The following CPED1 variants were observed in gnomAD, a reference collection of about 807,000 sequenced individuals.
The protein encoded by CPED1 is cadherin like and PC-esterase domain containing 1.
Under a neutral mutation model 128.2 loss-of-function variants are expected in CPED1, and 114 were observed. The ratio of observed to expected loss-of-function variants is 0.89; its 90% CI spans 0.76 to 1.04. The LOEUF is 1.04. Among genes scored for constraint, CPED1 ranks in the 50% least tolerant of loss-of-function variants. The pLI is 0.00. For missense variants in CPED1, 1,211 were observed against 1,207.1 expected (o/e 1.00, Z -0.05); for synonymous variants, 462 against 426.7 (o/e 1.08, Z -1.02).
chr7:121,189,114 G>T (rs182875761), intron 16 of CPED1, among the ~76,000 whole-genome samples: 4 of 152,126 alleles, frequency 2.6e-5, no homozygotes, highest in African/African-American at 9.7e-5. Flanking sequence ...ACATAATGGT[G>T]TTCCATTCTA....
chr7:121,171,690 A>G (rs1326507761), intron 16 of CPED1, among the ~76,000 whole-genome samples: 2 of 152,140 alleles, frequency 1.3e-5, no homozygotes, highest in African/African-American at 2.4e-5. Context: ...AAAAACCCTG[A>G]ATATTTTCTT....
At chr7:121,247,902 C>A (rs148527406) in intron 18 of CPED1, among the ~76,000 whole-genome samples, 1 of 152,338 alleles carries the variant, frequency 6.6e-6, no homozygotes, top group African/African-American at 2.4e-5. Context: ...AACTTCCCCA[C>A]AGGACTGGGG....
chr7:121,103,348 A>G (rs921159644), intron 7 of CPED1, among the ~76,000 whole-genome samples: 3 of 152,182 alleles, frequency 2.0e-5, no homozygotes, highest in African/African-American at 7.2e-5. Flanking sequence ...TCCTGGGTCA[A>G]TGTGGAGAAA....
intron 18 of CPED1, among the ~76,000 whole-genome samples, chr7:121,245,769 C>T (rs1481416382): frequency 6.6e-6 from 1 of 150,550 alleles, no homozygotes; most frequent in African/African-American, 2.5e-5. Flanking sequence ...CAGCTCAATG[C>T]AACCTCCACC....
At chr7:121,135,427 G>GA (rs1358664134) in intron 13 of CPED1, among the ~76,000 whole-genome samples, 1 of 152,024 alleles carries the variant, frequency 6.6e-6, no homozygotes, top group Non-Finnish European at 1.5e-5. Context: ...AATCTCTGGT[G>GA]ATGAGACCCA....
chr7:121,047,825 C>T (rs562455862), intron 4 of CPED1, among the ~76,000 whole-genome samples: 1 of 151,664 alleles, frequency 6.6e-6, no homozygotes, highest in Admixed American at 6.6e-5. Context: ...ATTCTCCTGC[C>T]TCAGCCTCCG....
At chr7:121,267,358 C>A in intron 21 of CPED1, 56 bp downstream of exon 21, 3 of 1,011,372 alleles carry the variant, frequency 3.0e-6, no homozygotes, top group South Asian at 1.5e-5. Context: ...AGGATCCCTG[C>A]TGGAAAAAGA....
intron 3 of CPED1, among the ~76,000 whole-genome samples, chr7:121,023,621 G>T (rs1398993753): frequency 1.3e-5 from 2 of 152,078 alleles, no homozygotes; most frequent in African/African-American, 2.4e-5. Flanking sequence ...GGTGTTGCAC[G>T]GGCAGAAGAG....
chr7:121,074,414 C>G (rs1444400673), intron 5 of CPED1, among the ~76,000 whole-genome samples: 5 of 151,768 alleles, frequency 3.3e-5, no homozygotes. Flanking sequence ...ATCCTAAACC[C>G]AACTGCGCTT....
intron 2 of CPED1, among the ~76,000 whole-genome samples, chr7:120,994,371 G>A (rs1796358166): frequency 6.6e-6 from 1 of 151,758 alleles, no homozygotes; most frequent in Non-Finnish European, 1.5e-5. Context: ...AATATTTATT[G>A]GACAATTTGT....
chr7:121,021,673 C>A (rs1313411970), intron 3 of CPED1, among the ~76,000 whole-genome samples: 1 of 151,802 alleles, frequency 6.6e-6, no homozygotes, highest in Non-Finnish European at 1.5e-5. Context: ...TTAGTGTTAC[C>A]TTTTAATGGT....
chr7:121,192,488 C>CA (rs1445994913), intron 16 of CPED1, among the ~76,000 whole-genome samples: 3 of 152,090 alleles, frequency 2.0e-5, no homozygotes, highest in Non-Finnish European at 4.4e-5. Flanking sequence ...CATGAGTGTA[C>CA]ATGCTGCTTT....
intron 5 of CPED1, among the ~76,000 whole-genome samples, chr7:121,092,225 A>G (rs1302404715): frequency 2.0e-5 from 3 of 152,194 alleles, no homozygotes; most frequent in Non-Finnish European, 4.4e-5. Context: ...CCAATCTAAC[A>G]CTACATTGTG....
At chr7:121,071,404 A>G (rs1793986716) in intron 5 of CPED1, among the ~76,000 whole-genome samples, 1 of 152,056 alleles carries the variant, frequency 6.6e-6, no homozygotes, top group African/African-American at 2.4e-5. Flanking sequence ...CTCACAAAAC[A>G]GAAATTTTGC....
In CPED1 at chr7:121,259,995, T is replaced by G. The variant is rs571826274; in HGVS notation, c.2311-6232T>G. ...GTTCTGACTAATATGTGAATTCCAT[T>G]ATGGTTACGTAATTCATTATTGCCT... On this transcript the variant is annotated intron_variant, in intron 18 of 22. Transcript: ENST00000310396. Among the ~76,000 whole-genome samples, 9 of 152,118 alleles carry G rather than the reference T, an allele frequency of 5.9e-5. No individual in the cohort carries two copies. In the South Asian group the frequency reaches 1.7e-3, roughly 28 times the overall value.
At chr7:121,079,204 G>A (rs987271623) in intron 5 of CPED1, among the ~76,000 whole-genome samples, 5 of 152,182 alleles carry the variant, frequency 3.3e-5, no homozygotes, top group Non-Finnish European at 5.9e-5. Flanking sequence ...ATAGCAGCCA[G>A]GGATGGGTGG....
chr7:121,247,463 C>G (rs967206303), intron 18 of CPED1, among the ~76,000 whole-genome samples: 1 of 152,196 alleles, frequency 6.6e-6, no homozygotes, highest in African/African-American at 2.4e-5. Context: ...AGTAAACCAA[C>G]ATTTGGACAG....
chr7:121,217,690 A>C (rs1284598553), intron 16 of CPED1, among the ~76,000 whole-genome samples: 1 of 152,048 alleles, frequency 6.6e-6, no homozygotes, highest in Non-Finnish European at 1.5e-5. Context: ...AACAGTTAAC[A>C]CAATGATTCA....
At chr7:121,267,855 T>C (rs1189019928) in intron 21 of CPED1, among the ~76,000 whole-genome samples, 6 of 151,996 alleles carry the variant, frequency 3.9e-5, no homozygotes, top group Admixed American at 6.6e-5. Flanking sequence ...GCACTGGGAA[T>C]TGGGGAGAAA....
Sources: gnomAD v4.1 joint callset for allele counts (sites outside exome capture counted in the v4.1 genomes callset) on GRCh38, gnomAD v4.1.1 for gene constraint, MANE v1.5 for transcripts, NCBI Gene and HGNC (gene_info 2026-07-23, HGNC 2026-07-21) for gene names.